Variants in PCDH15 observed in about 807,000 individuals in gnomAD.
PCDH15 encodes the protein protocadherin related 15, also known as protocadherin-15.
In PCDH15, 129 loss-of-function variants were observed where a neutral mutation model predicts 178.5. The observed-to-expected ratio is 0.72, with a 90% CI of 0.63 to 0.84. PCDH15 has a LOEUF of 0.84. Among genes scored for constraint, PCDH15 ranks in the 40% least tolerant of loss-of-function variants. The pLI is 0.00. For synonymous variants in PCDH15, 800 were observed against 732.0 expected (o/e 1.09, Z -1.50); for missense variants, 2,230 against 2,099.9 (o/e 1.06, Z -1.21).
At chr10:54,900,393 A>T (rs1954619615) in intron 2 of PCDH15, among the ~76,000 whole-genome samples, 1 of 152,210 alleles carries the variant, frequency 6.6e-6, no homozygotes, top group South Asian at 2.1e-4. Flanking sequence ...AGATTGAAGG[A>T]GATTTGAGCA....
rs988310008 is a variant in PCDH15, at chr10:55,098,808, G to A, written c.-80+67768C>T. ...GGGCTGGTTTTTCACTTTCGGAAGC[G>A]TCTCTCTCTCTTTCTCTCTCTCTCT... On this transcript the variant is annotated intron_variant, in intron 2 of 5. Transcript: ENST00000458638. Among the ~76,000 whole-genome samples the A allele has an allele frequency of 3.3e-5, 5 of 151,618 alleles. No homozygotes were observed. In the South Asian group the frequency reaches 6.3e-4, roughly 19 times the overall value.
At chr10:54,533,303 T>C (rs2084122276) in intron 2 of PCDH15, among the ~76,000 whole-genome samples, 1 of 152,146 alleles carries the variant, frequency 6.6e-6, no homozygotes, top group South Asian at 2.1e-4. Flanking sequence ...CTTACTGTAA[T>C]GAGGAAAAAA....
At chr10:55,386,904 T>C (rs948225731) in intron 2 of PCDH15, among the ~76,000 whole-genome samples, 2 of 152,086 alleles carry the variant, frequency 1.3e-5, no homozygotes, top group Non-Finnish European at 2.9e-5. Context: ...AACGTACAAA[T>C]CAGTATAATT....
At chr10:54,322,185 A>C (rs1640759585) in intron 7 of PCDH15, among the ~76,000 whole-genome samples, 7 of 151,992 alleles carry the variant, frequency 4.6e-5, no homozygotes, top group Admixed American at 4.6e-4. Flanking sequence ...ATGAAATAAC[A>C]TTCTAAATTG....
chr10:55,126,270 T>C (rs1332194191), intron 2 of PCDH15, among the ~76,000 whole-genome samples: 2 of 152,108 alleles, frequency 1.3e-5, no homozygotes, highest in African/African-American at 2.4e-5. Context: ...TACTCCCTCA[T>C]AAGTTTTATA....
chr10:54,340,740 G>A (rs550828766), intron 6 of PCDH15, among the ~76,000 whole-genome samples: 4 of 152,226 alleles, frequency 2.6e-5, no homozygotes, highest in African/African-American at 9.6e-5. Context: ...ACATTGGCAT[G>A]GTTTGGGGGT....
chr10:54,849,188 C>G (rs531351861), intron 3 of PCDH15, among the ~76,000 whole-genome samples: 9 of 151,814 alleles, frequency 5.9e-5, no homozygotes, highest in African/African-American at 1.9e-4. Context: ...CTTCTTTCTT[C>G]AATGAAAAAA....
At chr10:54,109,146 T>A (rs928703372) in intron 15 of PCDH15, among the ~76,000 whole-genome samples, 1 of 152,038 alleles carries the variant, frequency 6.6e-6, no homozygotes, top group Non-Finnish European at 1.5e-5. Flanking sequence ...TAAATGTAAA[T>A]CAGTACAACT....
chr10:54,200,319 G>A (rs2050100895), intron 10 of PCDH15, among the ~76,000 whole-genome samples: 1 of 120,736 alleles, frequency 8.3e-6, no homozygotes, highest in Non-Finnish European at 1.6e-5. Context: ...TACATGTGCA[G>A]AATGTGCAGG....
At chr10:54,666,096 G>A (rs542574675) in intron 1 of PCDH15, among the ~76,000 whole-genome samples, 64 of 152,028 alleles carry the variant, frequency 4.2e-4, no homozygotes, top group African/African-American at 1.4e-3. Flanking sequence ...CATTAAATAC[G>A]TAAGGGAATA....
chr10:54,134,961 C>T (rs181643309), intron 14 of PCDH15, among the ~76,000 whole-genome samples: 49 of 151,546 alleles, frequency 3.2e-4, no homozygotes, highest in Non-Finnish European at 5.9e-4. Context: ...AATCTTAGCA[C>T]TTTTGGAGGC....
intron 25 of PCDH15, among the ~76,000 whole-genome samples, chr10:53,925,587 C>T (rs1589449990): frequency 6.6e-6 from 1 of 152,242 alleles, no homozygotes; most frequent in Non-Finnish European, 1.5e-5. Flanking sequence ...CTCCCTGATA[C>T]AAGCTTCACT....
chr10:54,268,456 C>T (rs144195555), intron 8 of PCDH15, among the ~76,000 whole-genome samples: 5 of 152,002 alleles, frequency 3.3e-5, no homozygotes, highest in African/African-American at 9.6e-5. Context: ...AGCTTCTGCA[C>T]AGCACTTGCA....
intron 1 of PCDH15, among the ~76,000 whole-genome samples, chr10:55,244,954 T>C (rs1841646758): frequency 6.6e-6 from 1 of 152,024 alleles, no homozygotes; most frequent in Non-Finnish European, 1.5e-5. Context: ...TTCCCTTAAA[T>C]AAATGATACA....
intron 1 of PCDH15, among the ~76,000 whole-genome samples, chr10:55,229,307 A>G (rs1407204733): frequency 6.6e-6 from 1 of 151,916 alleles, no homozygotes; most frequent in Non-Finnish European, 1.5e-5. Context: ...TATCCCCTAA[A>G]AGGAAATAAT....
chr10:54,263,682 A>C (rs2057480330), intron 8 of PCDH15, among the ~76,000 whole-genome samples: 1 of 152,196 alleles, frequency 6.6e-6, no homozygotes, highest in Non-Finnish European at 1.5e-5. Context: ...CCCAGAAATG[A>C]AGCCAATGAA....
At chr10:55,466,649 A>G (rs1208810821) in intron 2 of PCDH15, among the ~76,000 whole-genome samples, 1 of 152,216 alleles carries the variant, frequency 6.6e-6, no homozygotes, top group Non-Finnish European at 1.5e-5. Context: ...GAAGGACTCA[A>G]GAGAAACGTC....
intron 2 of PCDH15, among the ~76,000 whole-genome samples, chr10:55,040,494 T>A (rs370063819): frequency 6.0e-5 from 9 of 149,846 alleles, no homozygotes; most frequent in African/African-American, 1.7e-4. Context: ...CCAAAACAAC[T>A]ACAACAACAA....
chr10:54,098,838 A>G (rs755791189), intron 15 of PCDH15, among the ~76,000 whole-genome samples: 1 of 152,226 alleles, frequency 6.6e-6, no homozygotes, highest in Non-Finnish European at 1.5e-5. Flanking sequence ...CTCAACATTT[A>G]ATGACAAACC....
Sources: allele counts gnomAD v4.1 joint callset (sites outside exome capture counted in the v4.1 genomes callset), GRCh38; gene constraint gnomAD v4.1.1; transcripts MANE v1.5; gene names NCBI Gene and HGNC (gene_info 2026-07-23, HGNC 2026-07-21).